The following RFC3 variants were observed in gnomAD, a reference collection of about 807,000 sequenced individuals.
RFC3 encodes replication factor C subunit 3.
RFC3 carries 41 observed loss-of-function variants against 45.1 expected under a neutral mutation model. The observed-to-expected ratio is 0.91, with a 90% CI of 0.71 to 1.18. The LOEUF (loss-of-function observed/expected upper bound fraction) is 1.18. Among genes scored for constraint, RFC3 ranks in the 50% most tolerant of loss-of-function variants. The pLI, the probability that RFC3 is intolerant of heterozygous loss-of-function variation, is 0.00. For synonymous variants in RFC3, 149 were observed against 144.0 expected (o/e 1.03, Z -0.25); for missense variants, 423 against 428.1 (o/e 0.99, Z 0.10).
chr13:33,862,052 A>T (rs1048943536), intron 8 of RFC3, among the ~76,000 whole-genome samples: 3 of 152,256 alleles, frequency 2.0e-5, no homozygotes, highest in Non-Finnish European at 2.9e-5. Context: ...GTTGAACAGC[A>T]GTATAGATTT....
At position 33,925,083 on chromosome 13, in the gene RFC3, G is replaced by A. The variant is rs377484752; in HGVS notation, c.880-41004G>A. On this transcript the variant is annotated intron_variant, in intron 8 of 8. Coordinates refer to the RFC3 transcript ENST00000434425. ...CACATATATAGTGTACTATATACAC[G>A]CATATATAGTGTACTATATACACGC... Among the ~76,000 whole-genome samples, 118 of 137,352 alleles carry A rather than the reference G, an allele frequency of 8.6e-4. 3 individuals are homozygous for A. In the East Asian group the frequency reaches 0.02, roughly 23 times the overall value. 90.1% of individuals were successfully genotyped at this position (137,352 alleles called of 152,430 possible). A position where few individuals can be genotyped will look rare whatever the true frequency, so the allele number is the denominator to read the frequency against.
At chr13:33,926,519 AGC>A (rs2082814636) in intron 8 of RFC3, among the ~76,000 whole-genome samples, 1 of 152,160 alleles carries the variant, frequency 6.6e-6, no homozygotes, top group Non-Finnish European at 1.5e-5. Context: ...TTTATGTATT[AGC>A]CCATTCCCAG....
chr13:33,895,736 C>T (rs2082593590), intron 8 of RFC3, among the ~76,000 whole-genome samples: 1 of 152,096 alleles, frequency 6.6e-6, no homozygotes, highest in Non-Finnish European at 1.5e-5. Flanking sequence ...TTCATAATTG[C>T]AAAGACATGG....
intron 8 of RFC3, among the ~76,000 whole-genome samples, chr13:33,871,986 TCAAAGTC>T (rs1398772806): frequency 6.6e-6 from 1 of 152,226 alleles, no homozygotes; most frequent in Non-Finnish European, 1.5e-5. Flanking sequence ...CAATAGTATT[TCAAAGTC>T]CTTTGGTTCT....
chr13:33,874,737 G>T (rs2082435099), intron 8 of RFC3, among the ~76,000 whole-genome samples: 1 of 152,186 alleles, frequency 6.6e-6, no homozygotes, highest in African/African-American at 2.4e-5. Flanking sequence ...ATATATACCT[G>T]GAAAATGACC....
intron 8 of RFC3, among the ~76,000 whole-genome samples, chr13:33,842,612 G>C (rs1227653602): frequency 6.6e-6 from 1 of 152,134 alleles, no homozygotes; most frequent in Non-Finnish European, 1.5e-5. Context: ...TTCTCTACCT[G>C]GGTTTTTCCT....
intron 8 of RFC3, chr13:33,846,482 C>G (rs993564780): frequency 6.6e-6 from 1 of 152,226 alleles, no homozygotes; most frequent in African/African-American, 2.4e-5. Context: ...CTCCAAGTTG[C>G]AAGACAAAGT....
At chr13:33,856,838 T>G (rs1342860250) in intron 8 of RFC3, among the ~76,000 whole-genome samples, 2 of 152,156 alleles carry the variant, frequency 1.3e-5, no homozygotes, top group African/African-American at 4.8e-5. Context: ...GTAAGGCCCC[T>G]GAGAGACTGG....
chr13:33,894,705 T>C (rs753699041), intron 8 of RFC3, among the ~76,000 whole-genome samples: 1 of 152,192 alleles, frequency 6.6e-6, no homozygotes, highest in East Asian at 1.9e-4. Context: ...AGTGGAACAC[T>C]GCAGGTGTTC....
At chr13:33,874,747 C>T (rs1311898774) in intron 8 of RFC3, among the ~76,000 whole-genome samples, 1 of 152,166 alleles carries the variant, frequency 6.6e-6, no homozygotes, top group Non-Finnish European at 1.5e-5. Flanking sequence ...GGAAAATGAC[C>T]CTCCAGATGG....
At position 33,866,211 on chromosome 13, in the gene RFC3, A is replaced by G. The variant is rs1469148167; in HGVS notation, c.879+30994A>G. Reference sequence around the variant, plus strand: ...TCTTCACCAACGCTTTCACAAATATATTGTTGAGGTGAGCACCTTTGAGAT... The same window carrying G: ...TCTTCACCAACGCTTTCACAAATATGTTGTTGAGGTGAGCACCTTTGAGAT... On this transcript the variant is annotated intron_variant, in intron 8 of 8. Coordinates refer to the RFC3 transcript ENST00000434425. Among the ~76,000 whole-genome samples the G allele has an allele frequency of 3.9e-5, 6 of 152,276 alleles. No homozygotes were observed. The East Asian group carries it at 9.6e-4, about 24-fold the overall frequency.
intron 8 of RFC3, among the ~76,000 whole-genome samples, chr13:33,865,577 A>G (rs1160040824): frequency 1.3e-5 from 2 of 152,238 alleles, no homozygotes; most frequent in Admixed American, 1.3e-4. Context: ...ATTATAGACC[A>G]ATGTATTTAT....
chr13:33,909,826 T>C (rs755365505), intron 8 of RFC3, among the ~76,000 whole-genome samples: 1 of 152,084 alleles, frequency 6.6e-6, no homozygotes, highest in Non-Finnish European at 1.5e-5. Flanking sequence ...GGAAAGATTG[T>C]TCAGGGCATT....
At chr13:33,925,475 TATAC>T (rs1377115442) in intron 8 of RFC3, among the ~76,000 whole-genome samples, 2 of 139,686 alleles carry the variant, frequency 1.4e-5, no homozygotes, top group South Asian at 2.2e-4. Flanking sequence ...TAGTGTACTA[TATAC>T]ATACATACAT....
chr13:33,831,127 G>T, intron 6 of RFC3, 129 bp from the exon 7 acceptor site: 1 of 650,146 alleles, frequency 1.5e-6, no homozygotes, highest in Non-Finnish European at 2.7e-6. Context: ...CCATAATGCT[G>T]GCCTATCCGC....
In RFC3 at chr13:33,830,694, C is replaced by G. The variant is rs984533411; in HGVS notation, c.574-25C>G. 5 of 1,592,306 alleles carry G rather than the reference C, an allele frequency of 3.1e-6. No individual in the cohort carries two copies. In the African/African-American group the frequency reaches 6.8e-5, roughly 22 times the overall value. ...CTTAATCTGCTTTTTAATGGATTGC[C>G]CATTTTTGTTAATTTTATTTGTAGA... is the stretch of plus-strand genomic sequence containing the variant. On this transcript the variant is annotated intron_variant, in intron 5 of 8. Transcript: ENST00000380071.
chr13:33,841,057 TC>T (rs2082194728), downstream of RFC3, among the ~76,000 whole-genome samples: 1 of 152,116 alleles, frequency 6.6e-6, no homozygotes, highest in South Asian at 2.1e-4. Context: ...CCACCTGAGC[TC>T]CACCACCTGT....
intron 8 of RFC3, among the ~76,000 whole-genome samples, chr13:33,898,744 G>A (rs1027694117): frequency 1.3e-5 from 2 of 151,428 alleles, no homozygotes; most frequent in Admixed American, 6.6e-5. Context: ...TGGAATCAGC[G>A]AAACTTTAGC....
At chr13:33,870,573 C>T (rs935621210) in intron 8 of RFC3, among the ~76,000 whole-genome samples, 3 of 152,172 alleles carry the variant, frequency 2.0e-5, no homozygotes, top group Non-Finnish European at 2.9e-5. Flanking sequence ...GGGGCTGGCT[C>T]ACCACCTGGG....
Sources: allele counts gnomAD v4.1 joint callset (sites outside exome capture counted in the v4.1 genomes callset), GRCh38; gene constraint gnomAD v4.1.1; transcripts MANE v1.5; gene names NCBI Gene and HGNC (gene_info 2026-07-23, HGNC 2026-07-21).